The following CACNA2D3 variants were observed in gnomAD, a reference collection of about 807,000 sequenced individuals.
The protein encoded by CACNA2D3 is voltage-dependent calcium channel subunit alpha-2/delta-3.
In CACNA2D3, 60 loss-of-function variants were observed where a neutral mutation model predicts 160.6. The observed-to-expected ratio is 0.37, with a 90% CI of 0.30 to 0.46. The LOEUF is 0.46. CACNA2D3 is among the 20% of genes least tolerant of loss of function. CACNA2D3 has a pLI of 1.00. For synonymous variants in CACNA2D3, 558 were observed against 492.9 expected, an observed-to-expected ratio of 1.13 and a Z score of -1.75; for missense variants, 1,205 against 1,365.0, an observed-to-expected ratio of 0.88 and a Z score of 1.85.
chr3:54,993,386 G>GC (rs1702784108), intron 31 of CACNA2D3, among the ~76,000 whole-genome samples: 2 of 152,146 alleles, frequency 1.3e-5, no homozygotes, highest in Admixed American at 6.5e-5. Context: ...CCTTCCCCTT[G>GC]TAAGTAATGT....
chr3:54,893,428 C>T (rs923847360), intron 25 of CACNA2D3, among the ~76,000 whole-genome samples: 1 of 151,988 alleles, frequency 6.6e-6, no homozygotes. Context: ...TCAAGAAACT[C>T]CTGTCATTGC....
chr3:54,495,748 T>C (rs969085300), intron 4 of CACNA2D3, among the ~76,000 whole-genome samples: 1 of 152,132 alleles, frequency 6.6e-6, no homozygotes, highest in Non-Finnish European at 1.5e-5. Flanking sequence ...AGACTCTGTC[T>C]CAAAACAAAC....
chr3:55,007,858 T>G lies in CACNA2D3; in HGVS notation c.2819+16T>G. 1 of 1,502,034 alleles carries G rather than the reference T, an allele frequency of 6.7e-7. No individual in the cohort carries two copies. Among genetic ancestry groups the G allele is most frequent in the South Asian group, 1.3e-5 (1 of 75,438 alleles). 93.0% of individuals were successfully genotyped at this position (1,502,034 alleles called of 1,614,324 possible). On this transcript the variant is annotated intron_variant, in intron 33 of 37. Transcript: ENST00000474759. The stretch of plus-strand genomic sequence containing the variant: ...AACTTGTCTTGTAAGTAAAATCTGC[T>G]GCATTTTTTTGAAAAGTATTAATAT...
chr3:54,461,034 C>A (rs1367381634), intron 4 of CACNA2D3, among the ~76,000 whole-genome samples: 1 of 147,202 alleles, frequency 6.8e-6, no homozygotes, highest in Admixed American at 6.7e-5. Flanking sequence ...TTGAGATAAT[C>A]ATGTTGTTTT....
At chr3:55,035,961 AC>A (rs1703807317) in intron 35 of CACNA2D3, among the ~76,000 whole-genome samples, 1 of 152,242 alleles carries the variant, frequency 6.6e-6, no homozygotes, top group African/African-American at 2.4e-5. Context: ...GGTCTTGAAT[AC>A]ACGTTAACTT....
chr3:54,188,601 C>A (rs577449326), intron 2 of CACNA2D3, among the ~76,000 whole-genome samples: 1 of 152,248 alleles, frequency 6.6e-6, no homozygotes, highest in East Asian at 1.9e-4. Context: ...TAGGGTTGCT[C>A]CTGCTGTTGG....
chr3:54,993,923 T>TTG (rs374831202), intron 31 of CACNA2D3, among the ~76,000 whole-genome samples: 5 of 144,070 alleles, frequency 3.5e-5, no homozygotes, highest in East Asian at 2.0e-4. Context: ...TGTGTGTGTT[T>TTG]TGTGTGTGTG....
intron 4 of CACNA2D3, among the ~76,000 whole-genome samples, chr3:54,460,030 A>G (rs1377021533): frequency 6.6e-6 from 1 of 152,106 alleles, no homozygotes; most frequent in Non-Finnish European, 1.5e-5. Flanking sequence ...TTAAATAGGG[A>G]ATCCTTTCCC....
At chr3:55,060,687 C>A (rs1377559186) in intron 35 of CACNA2D3, among the ~76,000 whole-genome samples, 1 of 151,926 alleles carries the variant, frequency 6.6e-6, no homozygotes, top group Non-Finnish European at 1.5e-5. Context: ...AAATAGTTAA[C>A]AAACTCCTTA....
chr3:54,790,015 T>G lies in CACNA2D3; in HGVS notation c.1380+25664T>G, dbSNP rs118102159. 29 of 365,146 alleles carry G rather than the reference T, an allele frequency of 7.9e-5. No homozygotes were observed. The East Asian group carries it at 2.0e-3, about 25-fold the overall frequency. 22.6% of individuals were successfully genotyped at this position (365,146 alleles called of 1,614,324 possible). On this transcript the variant is annotated intron_variant, in intron 13 of 37. Coordinates refer to ENST00000474759, the MANE Select transcript of CACNA2D3 (RefSeq NM_018398.3). ...ACATCTTGTATAATGAGGAATGATT[T>G]CACTTTCCTTCCTACTTAGGTATTT... is the stretch of plus-strand genomic sequence containing the variant.
At chr3:54,625,681 A>C (rs570190783) in intron 9 of CACNA2D3, among the ~76,000 whole-genome samples, 1 of 152,202 alleles carries the variant, frequency 6.6e-6, no homozygotes, top group South Asian at 2.1e-4. Context: ...GTGTCATTCA[A>C]AGGTTTTTAC....
chr3:54,127,431 T>G (rs958252932), intron 2 of CACNA2D3, among the ~76,000 whole-genome samples: 1 of 152,220 alleles, frequency 6.6e-6, no homozygotes, highest in African/African-American at 2.4e-5. Flanking sequence ...ATTTTTATAA[T>G]TATGACTTTT....
intron 9 of CACNA2D3, among the ~76,000 whole-genome samples, chr3:54,595,697 T>G (rs937626195): frequency 1.3e-5 from 2 of 152,134 alleles, no homozygotes; most frequent in Admixed American, 6.5e-5. Flanking sequence ...GATATCAGTT[T>G]TGTGGAGCTT....
chr3:54,317,459 T>G (rs936959408), intron 2 of CACNA2D3, among the ~76,000 whole-genome samples: 1 of 152,228 alleles, frequency 6.6e-6, no homozygotes, highest in African/African-American at 2.4e-5. Context: ...GGCAAGGGCC[T>G]TCTTGCTTCA....
intron 9 of CACNA2D3, among the ~76,000 whole-genome samples, chr3:54,605,121 G>A (rs183857241): frequency 1.3e-5 from 2 of 152,156 alleles, no homozygotes; most frequent in Admixed American, 6.5e-5. Context: ...CTGTCTTCAC[G>A]TGGCATTCTG....
At chr3:55,024,665 T>C (rs1703527906) in intron 35 of CACNA2D3, among the ~76,000 whole-genome samples, 1 of 152,164 alleles carries the variant, frequency 6.6e-6, no homozygotes, top group Non-Finnish European at 1.5e-5. Flanking sequence ...CTGTGAGCAA[T>C]AAATTTCCGT....
At chr3:54,993,794 G>A (rs541191045) in intron 31 of CACNA2D3, among the ~76,000 whole-genome samples, 9 of 151,182 alleles carry the variant, frequency 6.0e-5, no homozygotes, top group South Asian at 2.1e-4. Context: ...GACTGCTCTC[G>A]TCGAGCCACC....
intron 11 of CACNA2D3, among the ~76,000 whole-genome samples, chr3:54,731,055 C>T (rs539691164): frequency 3.3e-5 from 5 of 152,062 alleles, no homozygotes; most frequent in Non-Finnish European, 1.5e-5. Flanking sequence ...TTGGTAATTA[C>T]CCTAAAAAAG....
At chr3:54,570,566 A>G (rs1208481320) in intron 8 of CACNA2D3, among the ~76,000 whole-genome samples, 1 of 152,224 alleles carries the variant, frequency 6.6e-6, no homozygotes, top group Non-Finnish European at 1.5e-5. Flanking sequence ...TTTATGGCTC[A>G]CAGAACACTT....
Sources: gnomAD v4.1 joint callset for allele counts (sites outside exome capture counted in the v4.1 genomes callset) on GRCh38, gnomAD v4.1.1 for gene constraint, MANE v1.5 for transcripts, NCBI Gene and HGNC (gene_info 2026-07-23, HGNC 2026-07-21) for gene names.